PXDNL: variants seen among roughly 807,000 people sequenced by gnomAD.
PXDNL encodes the protein peroxidasin like.
A neutral mutation model predicts 150.8 loss-of-function variants in PXDNL; 145 were observed. The ratio of observed to expected loss-of-function variants is 0.96; its 90% CI spans 0.84 to 1.10. The LOEUF (loss-of-function observed/expected upper bound fraction) is 1.10. PXDNL is among the 50% of genes least tolerant of loss of function. The probability of loss-of-function intolerance (pLI) is 0.00; values close to 1 mark genes in which losing one functional copy is unlikely to be tolerated. For missense variants in PXDNL, 2,087 were observed against 1,873.9 expected, an observed-to-expected ratio of 1.11 and a Z score of -2.10; for synonymous variants, 757 against 725.7, an observed-to-expected ratio of 1.04 and a Z score of -0.69.
chr8:51,644,346 A>ATATATATATATT (rs1814859413), intron 2 of PXDNL, among the ~76,000 whole-genome samples: 1 of 69,336 alleles, frequency 1.4e-5, no homozygotes, highest in Non-Finnish European at 3.8e-5. Context: ...ATACACACAC[A>ATATATATATATT]CACACACACA....
At chr8:51,652,098 T>G (rs534219272) in intron 2 of PXDNL, among the ~76,000 whole-genome samples, 15 of 152,274 alleles carry the variant, frequency 9.9e-5, no homozygotes, top group South Asian at 4.1e-4. Flanking sequence ...CATTGGAGTT[T>G]CTGTGCAATT....
At chr8:51,782,243 G>A (rs1164075643) in intron 1 of PXDNL, among the ~76,000 whole-genome samples, 4 of 152,034 alleles carry the variant, frequency 2.6e-5, no homozygotes, top group Non-Finnish European at 5.9e-5. Flanking sequence ...GAGATGCCTT[G>A]GGCTTCCCCC....
At chr8:51,788,930 T>C (rs747958292) in intron 1 of PXDNL, among the ~76,000 whole-genome samples, 2 of 151,480 alleles carry the variant, frequency 1.3e-5, no homozygotes, top group Non-Finnish European at 2.9e-5. Flanking sequence ...CCAAGTCAAA[T>C]GAACCCCAGT....
chr8:51,470,576 G>T (rs532320650), intron 8 of PXDNL, among the ~76,000 whole-genome samples: 1 of 152,116 alleles, frequency 6.6e-6, no homozygotes, highest in Non-Finnish European at 1.5e-5. Flanking sequence ...ATTGTATTAG[G>T]TATATAGTGC....
intron 1 of PXDNL, among the ~76,000 whole-genome samples, chr8:51,704,257 G>A (rs1171534369): frequency 1.3e-5 from 2 of 152,126 alleles, no homozygotes; most frequent in African/African-American, 4.8e-5. Flanking sequence ...CATATATTTT[G>A]CAAATTGCTT....
chr8:51,320,004 C>T lies in PXDNL; in HGVS notation c.4279G>A (p.Val1427Met). ...CICESGQVTC[V>M]VEICPPAPCP... Reference sequence around the variant, plus strand: ...GGAGCCGGGGGACAAATCTCCACCACACAGGTGACCTGGCCACTCTGAAAG... The same window carrying T: ...GGAGCCGGGGGACAAATCTCCACCATACAGGTGACCTGGCCACTCTGAAAG... The change falls in exon 23 of 23, where the codon GTG (valine) becomes ATG (methionine). Residue 1427 changes from valine (V) to methionine (M), a missense_variant. Transcript: ENST00000356297. The T allele has an allele frequency of 1.3e-6, 2 of 1,547,984 alleles. No homozygotes were observed. Among genetic ancestry groups the T allele is most frequent in the Non-Finnish European group, 1.7e-6 (2 of 1,148,688 alleles).
At position 51,540,751 on chromosome 8, in the gene PXDNL, T is replaced by C. The variant is rs530170280; in HGVS notation, c.380+16089A>G. ...AAGTTGGTTGATTTTGTTATTCAGGTCTTCTTTATACTTACTTTCTGTTTA... is the reference window on the plus strand; with the variant it reads ...AAGTTGGTTGATTTTGTTATTCAGGCCTTCTTTATACTTACTTTCTGTTTA... On this transcript the variant is annotated intron_variant, in intron 4 of 22. Transcript: ENST00000356297. Among the ~76,000 whole-genome samples the C allele has an allele frequency of 2.0e-5, 3 of 152,322 alleles. No individual in the cohort carries two copies. The South Asian group carries it at 6.2e-4, about 32-fold the overall frequency.
At chr8:51,633,146 G>T (rs1023792322) in intron 2 of PXDNL, among the ~76,000 whole-genome samples, 1 of 152,094 alleles carries the variant, frequency 6.6e-6, no homozygotes, top group Non-Finnish European at 1.5e-5. Context: ...GAGAACACAT[G>T]GTATTTGGTT....
chr8:51,457,070 T>C (rs1031697475), intron 9 of PXDNL, among the ~76,000 whole-genome samples: 2 of 152,218 alleles, frequency 1.3e-5, no homozygotes, highest in African/African-American at 4.8e-5. Flanking sequence ...GCAAAGCCCC[T>C]GGAAAGTTGA....
At chr8:51,710,435 AT>A (rs1356224735) in intron 1 of PXDNL, among the ~76,000 whole-genome samples, 2 of 152,176 alleles carry the variant, frequency 1.3e-5, no homozygotes, top group African/African-American at 2.4e-5. Context: ...ATATGTATCA[AT>A]TTTTTGGGGG....
rs11289787 is a variant in PXDNL at position 51,384,377 on chromosome 8, CAA to C, written c.3558-9648_3558-9647del. Among the ~76,000 whole-genome samples, 44 of 141,226 alleles carry C rather than the reference CAA, an allele frequency of 3.1e-4. No individual in the cohort carries two copies. The East Asian group carries it at 3.4e-3, about 11-fold the overall frequency. 92.6% of individuals were successfully genotyped at this position (141,226 alleles called of 152,430 possible). ...CCAGCACTGAAATAAAGGTGAATGA[CAA>C]AAAAAAAAAATCTTATGGTTAATTT... On this transcript the variant is annotated intron_variant, in intron 17 of 22. Transcript: ENST00000356297.
Position 51,408,676 on chromosome 8 carries a change from G to C in PXDNL, c.2948C>G (p.Thr983Arg). ...GTGGGGGTTCAGGGCGGACAGCTCCGTGGCCATCCTGTTGTGTTCCCGGAA... is the reference window on the plus strand; with the variant it reads ...GTGGGGGTTCAGGGCGGACAGCTCCCTGGCCATCCTGTTGTGTTCCCGGAA... Reference protein sequence around the residue: ...LWFREHNRMATELSALNPHWE... With the variant: ...LWFREHNRMARELSALNPHWE... Residue 983 changes from threonine (T) to arginine (R), a missense_variant, in exon 17 of 23, where the codon ACG becomes AGG. Thr to Arg is a moderately conservative substitution (Grantham distance 71). Transcript: ENST00000356297. 1 of 1,600,428 alleles carries C rather than the reference G, an allele frequency of 6.2e-7. No homozygotes were observed.
At chr8:51,707,128 C>T (rs979373187) in intron 1 of PXDNL, among the ~76,000 whole-genome samples, 1 of 152,208 alleles carries the variant, frequency 6.6e-6, no homozygotes, top group Non-Finnish European at 1.5e-5. Flanking sequence ...ATCATGCTCA[C>T]TTCTAGTAGA....
chr8:51,639,074 G>A (rs980714735), intron 2 of PXDNL, among the ~76,000 whole-genome samples: 14 of 152,056 alleles, frequency 9.2e-5, no homozygotes, highest in South Asian at 2.1e-4. Flanking sequence ...ACTACATGGA[G>A]ACTGAACAAC....
At chr8:51,780,851 G>A (rs985100233) in intron 1 of PXDNL, among the ~76,000 whole-genome samples, 6 of 151,770 alleles carry the variant, frequency 4.0e-5, no homozygotes, top group Admixed American at 3.9e-4. Flanking sequence ...GTAGAGACAG[G>A]GTCTTGCCAT....
chr8:51,379,478 T>C (rs1807465069), intron 17 of PXDNL, among the ~76,000 whole-genome samples: 1 of 152,080 alleles, frequency 6.6e-6, no homozygotes, highest in Non-Finnish European at 1.5e-5. Flanking sequence ...ATTTAGTTTT[T>C]TTCTTACTGA....
At chr8:51,803,775 C>T (rs1192902394) in intron 1 of PXDNL, among the ~76,000 whole-genome samples, 1 of 152,178 alleles carries the variant, frequency 6.6e-6, no homozygotes, top group Non-Finnish European at 1.5e-5. Flanking sequence ...GCCTATGTGG[C>T]CTTTTCCCAT....
At chr8:51,551,814 G>C (rs1812492746) in intron 4 of PXDNL, among the ~76,000 whole-genome samples, 1 of 152,060 alleles carries the variant, frequency 6.6e-6, no homozygotes, top group South Asian at 2.1e-4. Flanking sequence ...CAAAAACAAA[G>C]ATAAATAGAT....
At chr8:51,325,825 A>G (rs1339519697) in intron 21 of PXDNL, among the ~76,000 whole-genome samples, 1 of 151,966 alleles carries the variant, frequency 6.6e-6, no homozygotes, top group Non-Finnish European at 1.5e-5. Context: ...CCCTGGGGAG[A>G]GTGAAAGCCA....
Sources: allele counts gnomAD v4.1 joint callset (sites outside exome capture counted in the v4.1 genomes callset), GRCh38; gene constraint gnomAD v4.1.1; transcripts MANE v1.5; gene names NCBI Gene and HGNC (gene_info 2026-07-23, HGNC 2026-07-21).